The following RYR2 variants were observed in gnomAD, a reference collection of about 807,000 sequenced individuals.
The protein encoded by RYR2 is ryanodine receptor 2.
In RYR2, 227 loss-of-function variants were observed where a neutral mutation model predicts 601.1. The observed-to-expected ratio is 0.38, with a 90% confidence interval of 0.34 to 0.42. RYR2 has a LOEUF of 0.42. Ranked by LOEUF, RYR2 falls within the 10% of genes least tolerant of loss-of-function variation. The probability of loss-of-function intolerance (pLI) is 1.00; values close to 1 mark genes in which losing one functional copy is unlikely to be tolerated. For missense variants in RYR2, 4,646 were observed against 6,156.5 expected (o/e 0.75, Z 8.21); for synonymous variants, 2,223 against 2,175.1 (o/e 1.02, Z -0.61).
chr1:237,445,102 A>C (rs1482074089), intron 13 of RYR2, among the ~76,000 whole-genome samples: 1 of 152,136 alleles, frequency 6.6e-6, no homozygotes, highest in East Asian at 1.9e-4. Flanking sequence ...AATTCTAGCT[A>C]TTCAGGAGGC....
At chr1:237,434,650 C>T (rs115159727) in intron 12 of RYR2, among the ~76,000 whole-genome samples, 1,660 of 152,212 alleles carry the variant, frequency 0.011, 12 homozygotes, top group Middle Eastern at 0.037. Flanking sequence ...TCTCTGTAGG[C>T]GATTTCCTCT....
At chr1:237,453,168 T>G (rs1658403510) in intron 14 of RYR2, among the ~76,000 whole-genome samples, 1 of 152,092 alleles carries the variant, frequency 6.6e-6, no homozygotes, top group Non-Finnish European at 1.5e-5. Flanking sequence ...AAAATAATTT[T>G]CTACTGAAAA....
chr1:237,742,425 G>A, intron 80 of RYR2, 76 bp downstream of exon 80: 1 of 1,102,798 alleles, frequency 9.1e-7, no homozygotes, highest in Non-Finnish European at 1.3e-6. Flanking sequence ...TGACATTTAT[G>A]TTTCTTGCTT....
intron 66 of RYR2, among the ~76,000 whole-genome samples, chr1:237,703,405 T>A (rs1688118698): frequency 1.3e-5 from 2 of 151,592 alleles, no homozygotes; most frequent in African/African-American, 2.4e-5. Context: ...ACCTTGTCAT[T>A]TGTGTTTCTT....
rs970143075 is a variant in RYR2 at position 237,530,411 on chromosome 1, T to C, written c.2823-16T>C. The C allele has an allele frequency of 1.9e-6, 3 of 1,584,854 alleles. No individual in the cohort carries two copies. ...GAGAAGAAATGATCACACTTATCTC[T>C]GGTTTTGTTTTCCAGGACTTTGTTG... On this transcript the variant is annotated splice_polypyrimidine_tract_variant and intron_variant, in intron 24 of 104. Transcript: ENST00000366574.
At chr1:237,511,853 A>AC (rs1665947259) in intron 24 of RYR2, 62 bp downstream of exon 24, 2 of 986,948 alleles carry the variant, frequency 2.0e-6, no homozygotes, top group East Asian at 2.9e-5. Flanking sequence ...AAAAAAAAAA[A>AC]AAAAAACAGG....
Position 237,610,672 on chromosome 1 carries a change from G to T in RYR2, c.4684-90G>T. The stretch of plus-strand genomic sequence containing the variant: ...CTCATAGGGTTATCTTACTTTCCCT[G>T]TCTCTGTCCTGTGCAGAATTCTAGT... On this transcript the variant is annotated intron_variant, in intron 35 of 104. Transcript: ENST00000366574. The surrounding 1 kb of genome is among the most constrained non-coding windows in gnomAD (Gnocchi z 4.9). The T allele has an allele frequency of 3.8e-6, 4 of 1,049,614 alleles. No homozygotes were observed. The highest frequency in any genetic ancestry group is 1.6e-5 in the African/African-American group (1 of 63,034). 65.0% of individuals were successfully genotyped at this position (1,049,614 alleles called of 1,614,324 possible).
At chr1:237,810,821 A>G (rs959790083) in intron 100 of RYR2, among the ~76,000 whole-genome samples, 1 of 152,066 alleles carries the variant, frequency 6.6e-6, no homozygotes, top group Admixed American at 6.5e-5. Flanking sequence ...CATTTTAATT[A>G]AATTACATTT....
chr1:237,609,621 TC>T (rs1299285538), intron 35 of RYR2, among the ~76,000 whole-genome samples: 1 of 152,018 alleles, frequency 6.6e-6, no homozygotes. Context: ...TGCCTCGGCC[TC>T]CCAAAGTGCT....
chr1:237,285,542 A>G (rs1246462815), intron 2 of RYR2, among the ~76,000 whole-genome samples: 1 of 152,168 alleles, frequency 6.6e-6, no homozygotes, highest in African/African-American at 2.4e-5. Context: ...GCTTCATAGA[A>G]TGAATTAGGG....
At chr1:237,578,054 C>A (rs1673462299) in intron 29 of RYR2, among the ~76,000 whole-genome samples, 1 of 152,116 alleles carries the variant, frequency 6.6e-6, no homozygotes, top group Non-Finnish European at 1.5e-5. Context: ...AGGTGATCTG[C>A]CTGCTGTGGC....
intron 90 of RYR2, 51 bp downstream of exon 90, chr1:237,785,023 A>G (rs773081810): frequency 7.9e-7 from 1 of 1,269,422 alleles, no homozygotes; most frequent in South Asian, 1.3e-5. Flanking sequence ...TCAGGTGGGT[A>G]TAATAAATGA....
chr1:237,718,744 T>C (rs1399562694), intron 73 of RYR2, among the ~76,000 whole-genome samples: 1 of 152,246 alleles, frequency 6.6e-6, no homozygotes, highest in South Asian at 2.1e-4. Flanking sequence ...TTGGAAAAAA[T>C]ATATGTCATC....
At position 237,614,426 on chromosome 1, in the gene RYR2, C is replaced by A. The variant is rs570743152; in HGVS notation, c.5298C>A (p.Pro1766=). ...SLRPRMQFSS[P]SFVSISNECY... is the part of the protein sequence containing the mutation. ...GGCCACGGATGCAGTTTTCCTCCCC[C>A]AGTTTTGTAAGCATTAGTAATGAAT... The change falls in exon 37 of 105, where the codon CCC becomes CCA. Residue 1766 remains proline, a synonymous_variant. Coordinates refer to ENST00000366574, the MANE Select transcript of RYR2 (RefSeq NM_001035.3). This position sits in a 1 kb window ranked among gnomAD's most constrained non-coding sequence, Gnocchi z 4.3. The A allele has an allele frequency of 6.2e-7, 1 of 1,614,032 alleles. No individual in the cohort carries two copies. Among genetic ancestry groups the A allele is most frequent in the Non-Finnish European group, 8.5e-7 (1 of 1,179,898 alleles).
At chr1:237,727,973 C>G (rs780731497) in intron 76 of RYR2, among the ~76,000 whole-genome samples, 10 of 152,102 alleles carry the variant, frequency 6.6e-5, no homozygotes, top group Middle Eastern at 3.2e-3. Flanking sequence ...CAGGACTCAG[C>G]TCAGCTACAT....
chr1:237,342,078 G>A (rs139999097), intron 3 of RYR2, among the ~76,000 whole-genome samples: 6 of 152,092 alleles, frequency 3.9e-5, no homozygotes, highest in African/African-American at 9.6e-5. Flanking sequence ...TAATATGCAC[G>A]CATACAAAAT....
At position 237,660,028 on chromosome 1, in the gene RYR2, C is replaced by T; in HGVS notation, c.8252C>T (p.Ser2751Phe). The part of the protein sequence containing the change: ...WIYGEIYSDS[S>F]KVQPLMKPYK... ...TATGGAGAAATATATTCAGACTCTT[C>T]TAAGGTTCAGCCATTAATGAAGCCA... The change falls in exon 55 of 105, where the codon TCT (serine) becomes TTT (phenylalanine). Residue 2751 changes from serine to phenylalanine, a missense_variant. Physicochemically the swap from Ser to Phe is radical, Grantham distance 155 (BLOSUM62 -2). Coordinates refer to ENST00000366574, the MANE Select transcript of RYR2 (RefSeq NM_001035.3). 1 of 1,589,720 alleles carries T rather than the reference C, an allele frequency of 6.3e-7. No individual in the cohort carries two copies. Among genetic ancestry groups the T allele is most frequent in the Non-Finnish European group, 8.5e-7 (1 of 1,170,996 alleles).
intron 1 of RYR2, among the ~76,000 whole-genome samples, chr1:237,098,079 G>T (rs945502745): frequency 6.6e-6 from 1 of 152,034 alleles, no homozygotes; most frequent in Non-Finnish European, 1.5e-5. Context: ...TTAATTTCCC[G>T]TAGGAATGGT....
chr1:237,524,908 C>CT (rs1415255551), intron 24 of RYR2, among the ~76,000 whole-genome samples: 1 of 151,946 alleles, frequency 6.6e-6, no homozygotes, highest in African/African-American at 2.4e-5. Context: ...GTGCACTATA[C>CT]TTTTTTAAAA....
Sources: allele counts gnomAD v4.1 joint callset (sites outside exome capture counted in the v4.1 genomes callset), GRCh38; gene constraint gnomAD v4.1.1; non-coding constraint Gnocchi (gnomAD v3.1); transcripts MANE v1.5; gene names NCBI Gene and HGNC (gene_info 2026-07-23, HGNC 2026-07-21).